The following RYR3 variants were observed in gnomAD, a reference collection of about 807,000 sequenced individuals.
RYR3 encodes the protein ryanodine receptor 3.
A neutral mutation model predicts 584.3 loss-of-function variants in RYR3; 207 were observed. The observed-to-expected ratio is 0.35, with a 90% CI of 0.32 to 0.40. The LOEUF is 0.40. RYR3 is among the 10% of genes least tolerant of loss of function. RYR3 has a pLI of 1.00. For missense variants in RYR3, 5,616 were observed against 6,089.2 expected, an observed-to-expected ratio of 0.92 and a Z score of 2.59; for synonymous variants, 2,416 against 2,248.5, an observed-to-expected ratio of 1.07 and a Z score of -2.11.
chr15:33,847,346 T>C (rs1248734870), intron 93 of RYR3: 1 of 152,224 alleles, frequency 6.6e-6, no homozygotes, highest in Non-Finnish European at 1.5e-5. Flanking sequence ...ACAAAAGCGA[T>C]GTGGGGTACA....
intron 69 of RYR3, among the ~76,000 whole-genome samples, chr15:33,803,323 T>C (rs2076014158): frequency 1.3e-5 from 2 of 152,232 alleles, no homozygotes; most frequent in South Asian, 4.1e-4. Flanking sequence ...AGAATTCATT[T>C]TGCATTTGTC....
intron 43 of RYR3, among the ~76,000 whole-genome samples, chr15:33,713,333 T>G (rs1032649894): frequency 6.6e-6 from 1 of 151,892 alleles, no homozygotes; most frequent in African/African-American, 2.4e-5. Context: ...AATATGATAG[T>G]TGGTCAGTGG....
At chr15:33,617,692 T>A (rs1266812223) in intron 19 of RYR3, among the ~76,000 whole-genome samples, 2 of 152,194 alleles carry the variant, frequency 1.3e-5, no homozygotes, top group Non-Finnish European at 2.9e-5. Flanking sequence ...CTTGAATTTT[T>A]AAAATAATTT....
intron 12 of RYR3, among the ~76,000 whole-genome samples, chr15:33,578,794 ACTC>A (rs1369369694): frequency 1.4e-5 from 2 of 147,210 alleles, no homozygotes; most frequent in East Asian, 2.0e-4. Context: ...ACAAAAAAAA[ACTC>A]CTCGTGATGT....
At position 33,390,700 on chromosome 15, in the gene RYR3, T is replaced by G. The variant is rs1340880826; in HGVS notation, c.51+79604T>G. ...AGTGGTTCACTCTGCGTAGATTGTT[T>G]GCACAAACAATGTGATTTATGCCGA... On this transcript the variant is annotated intron_variant, in intron 1 of 103. Coordinates refer to ENST00000634891, the MANE Select transcript of RYR3 (RefSeq NM_001036.6). The surrounding 1 kb of genome is among the most constrained non-coding windows in gnomAD (Gnocchi z 4.2). Among the ~76,000 whole-genome samples, 1 of 152,162 alleles carries G rather than the reference T, an allele frequency of 6.6e-6. No homozygotes were observed. Among genetic ancestry groups the G allele is most frequent in the Non-Finnish European group, 1.5e-5 (1 of 68,034 alleles).
intron 43 of RYR3, among the ~76,000 whole-genome samples, chr15:33,712,542 T>C (rs1310425246): frequency 1.3e-5 from 2 of 152,184 alleles, no homozygotes; most frequent in Admixed American, 6.5e-5. Context: ...ATACCCCTAA[T>C]TGAATTTGTA....
intron 1 of RYR3, among the ~76,000 whole-genome samples, chr15:33,458,783 A>G (rs2047777889): frequency 6.6e-6 from 1 of 152,204 alleles, no homozygotes. Context: ...ATTTTAGAGT[A>G]ATGTACCAAA....
At chr15:33,826,407 G>C in intron 83 of RYR3, 138 bp downstream of exon 83, 1 of 900,956 alleles carries the variant, frequency 1.1e-6, no homozygotes, top group Admixed American at 1.9e-5. Context: ...CTTAATTAAA[G>C]AAGTGTCTTC....
chr15:33,351,775 T>C (rs1460644771), intron 1 of RYR3, among the ~76,000 whole-genome samples: 1 of 151,374 alleles, frequency 6.6e-6, no homozygotes, highest in African/African-American at 2.4e-5. Flanking sequence ...TAATAACAGC[T>C]ATCTATGACA....
intron 38 of RYR3, among the ~76,000 whole-genome samples, chr15:33,675,444 CT>C (rs1310653954): frequency 6.6e-6 from 1 of 152,196 alleles, no homozygotes; most frequent in African/African-American, 2.4e-5. Context: ...ATCCTGCCCC[CT>C]ATAGGCAATG....
At chr15:33,440,063 G>C (rs1297617052) in intron 1 of RYR3, among the ~76,000 whole-genome samples, 1 of 152,186 alleles carries the variant, frequency 6.6e-6, no homozygotes, top group Non-Finnish European at 1.5e-5. Context: ...CAAGCTGGTA[G>C]GATCACTTGA....
At chr15:33,387,002 C>G (rs985389040) in intron 1 of RYR3, among the ~76,000 whole-genome samples, 1 of 151,844 alleles carries the variant, frequency 6.6e-6, no homozygotes. Context: ...GGACTACAGG[C>G]GCCCACCACC....
At position 33,652,865 on chromosome 15, in the gene RYR3, A is replaced by T; in HGVS notation, c.4290A>T (p.Glu1430Asp). ...TGTCCTTCTCAGCCAATGGAAAGGA[A>T]CTGGGCACCTGCTACCAGGTAAGGG... The part of the protein sequence containing the change: ...GMLSFSANGK[E>D]LGTCYQVEPN... The change falls in exon 32 of 104, where the codon GAA (glutamate) becomes GAT (aspartate). Residue 1430 changes from glutamate (E) to aspartate (D), a missense_variant. By Grantham distance (45) the Glu-to-Asp change is conservative (BLOSUM62 2). Transcript: ENST00000634891. 6.2e-7 allele frequency: 1 copy of T among 1,611,906 alleles called. No individual in the cohort carries two copies. The highest frequency in any genetic ancestry group is 1.1e-5 in the South Asian group (1 of 90,748).
At chr15:33,810,392 C>T (rs989495376) in intron 70 of RYR3, 87 bp from the exon 71 acceptor site, 1 of 1,400,458 alleles carries the variant, frequency 7.1e-7, no homozygotes, top group Non-Finnish European at 9.9e-7. Flanking sequence ...GACAGGGCCA[C>T]AAGGAGGCAG....
chr15:33,734,281 G>A (rs1214816924), intron 48 of RYR3, among the ~76,000 whole-genome samples: 2 of 152,188 alleles, frequency 1.3e-5, no homozygotes, highest in Non-Finnish European at 2.9e-5. Context: ...GATCTTTCAA[G>A]AGAGACAAAT....
intron 60 of RYR3, among the ~76,000 whole-genome samples, chr15:33,766,301 A>AG (rs59634556): frequency 6.9e-6 from 1 of 144,138 alleles, no homozygotes; most frequent in Non-Finnish European, 1.5e-5. Flanking sequence ...AAAAAAAAAA[A>AG]GAAAAAAAGA....
chr15:33,682,202 C>G (rs916340983), intron 38 of RYR3, among the ~76,000 whole-genome samples: 1 of 152,138 alleles, frequency 6.6e-6, no homozygotes. Context: ...CAGAAAGTTA[C>G]AAAACAACAA....
intron 89 of RYR3, among the ~76,000 whole-genome samples, chr15:33,840,092 C>T (rs973392379): frequency 6.6e-6 from 1 of 152,154 alleles, no homozygotes; most frequent in Non-Finnish European, 1.5e-5. Flanking sequence ...CATGAACATG[C>T]AGTGAGTTAC....
At chr15:33,697,799 G>T in intron 39 of RYR3, 83 bp from the exon 40 acceptor site, 1 of 808,956 alleles carries the variant, frequency 1.2e-6, no homozygotes, top group Non-Finnish European at 2.2e-6. Context: ...TTGCCCTCTC[G>T]TGTGTTTGTG....
Sources: allele counts gnomAD v4.1 joint callset (sites outside exome capture counted in the v4.1 genomes callset), GRCh38; gene constraint gnomAD v4.1.1; non-coding constraint Gnocchi (gnomAD v3.1); transcripts MANE v1.5; gene names NCBI Gene and HGNC (gene_info 2026-07-23, HGNC 2026-07-21).